The following OTC variants were observed in gnomAD, a reference collection of about 807,000 sequenced individuals.
The protein encoded by OTC is ornithine transcarbamylase.
Under a neutral mutation model 30.3 loss-of-function variants are expected in OTC, and 3 were observed. The ratio of observed to expected loss-of-function variants is 0.10; its 90% CI spans 0.05 to 0.26. The LOEUF (loss-of-function observed/expected upper bound fraction) is 0.26, where lower values mean the gene tolerates loss of function less well. OTC is among the 10% of genes least tolerant of loss of function. OTC has a pLI of 1.00. For synonymous variants in OTC, 111 were observed against 99.7 expected (o/e 1.11, Z -0.67); for missense variants, 194 against 260.3 (o/e 0.75, Z 1.75).
intron 6 of OTC, among the ~76,000 whole-genome samples, chrX:38,404,639 A>G: frequency 8.9e-6 from 1 of 111,839 alleles, no homozygotes; most frequent in Admixed American, 9.5e-5. Flanking sequence ...GGCCAGGCAC[A>G]CCACCACAGG....
At chrX:38,336,523 T>C in the OTC span, among the ~76,000 whole-genome samples, 9 of 106,009 alleles carry the variant, frequency 8.5e-5, no homozygotes, top group Admixed American at 2.1e-4. Context: ...AGCTCAAAAA[T>C]AAAAAAAATA....
intron 1 of OTC, among the ~76,000 whole-genome samples, chrX:38,364,019 G>A (rs908480864): frequency 3.6e-5 from 4 of 110,032 alleles, no homozygotes; most frequent in Non-Finnish European, 5.7e-5. Context: ...CCAGCTACTC[G>A]GGAGGCTGAG....
chrX:38,393,509 C>T (rs759911538), intron 4 of OTC, among the ~76,000 whole-genome samples: 1 of 111,903 alleles, frequency 8.9e-6, no homozygotes, highest in African/African-American at 3.2e-5. Flanking sequence ...TTTATACTTT[C>T]TCAGGGTTTA....
intron 3 of OTC, among the ~76,000 whole-genome samples, chrX:38,377,038 TC>T (rs773424390): frequency 8.9e-6 from 1 of 111,850 alleles, no homozygotes; most frequent in Non-Finnish European, 1.9e-5. Flanking sequence ...GAGTACACAT[TC>T]TTTTCCTTAG....
In OTC at chrX:38,395,546, C is replaced by T. The variant is rs181918705; in HGVS notation, c.387-5729C>T. 25 of 137,004 alleles carry T rather than the reference C, an allele frequency of 1.8e-4. 1 individual carries two copies. The South Asian group carries it at 3.9e-3, about 21-fold the overall frequency. 11.3% of individuals were successfully genotyped at this position (137,004 alleles called of 1,213,427 possible). A position where few individuals can be genotyped will look rare whatever the true frequency, so the allele number is the denominator to read the frequency against. On this transcript the variant is annotated intron_variant, in intron 4 of 9. Coordinates refer to ENST00000039007, the MANE Select transcript of OTC (RefSeq NM_000531.6). ...GCCATGCCAGCATTTACACATAAAA[C>T]GCTTCTTGGGCAGCCAGATGACATG...
chrX:38,411,824 A>G (rs753594259), intron 8 of OTC, 38 bp from the exon 9 acceptor site: 152 of 1,193,355 alleles, frequency 1.3e-4, no homozygotes, highest in Non-Finnish European at 1.7e-4. Context: ...ACTGCCACAT[A>G]TAATAGTCAA....
the OTC span, among the ~76,000 whole-genome samples, chrX:38,341,963 T>C: frequency 1.5e-4 from 16 of 108,755 alleles, no homozygotes; most frequent in Non-Finnish European, 3.8e-5. Context: ...TTGTCTTTTT[T>C]TATTCTTTAT....
intron 6 of OTC, among the ~76,000 whole-genome samples, chrX:38,405,510 C>T (rs2068511474): frequency 9.0e-6 from 1 of 110,535 alleles, no homozygotes; most frequent in African/African-American, 3.3e-5. Context: ...AATTTAGGCC[C>T]ACTCTAATCC....
intron 4 of OTC, 150 bp downstream of exon 4, chrX:38,381,579 T>G (rs1330293610): frequency 4.4e-6 from 2 of 451,207 alleles, no homozygotes; most frequent in Non-Finnish European, 7.8e-6. Context: ...TGAATACCTC[T>G]CCCTCATCCT....
At chrX:38,358,000 G>A (rs1007719504) in intron 1 of OTC, among the ~76,000 whole-genome samples, 16 of 111,261 alleles carry the variant, frequency 1.4e-4, no homozygotes, top group Admixed American at 3.8e-4. Flanking sequence ...TAATAATGTG[G>A]TTTGTGTCTG....
chrX:38,415,097 G>T (rs955335413), intron 9 of OTC, among the ~76,000 whole-genome samples: 8 of 109,393 alleles, frequency 7.3e-5, no homozygotes, highest in Non-Finnish European at 1.5e-4. Context: ...TTTATTTTTT[G>T]AGACAGAGTC....
At chrX:38,419,122 C>G (rs923061682) in intron 9 of OTC, among the ~76,000 whole-genome samples, 2 of 110,894 alleles carry the variant, frequency 1.8e-5, no homozygotes, top group African/African-American at 6.6e-5. Context: ...TTCTTGGCAC[C>G]TCTGTCAAAA....
chrX:38,334,713 T>C, the OTC span, among the ~76,000 whole-genome samples: 2 of 112,436 alleles, frequency 1.8e-5, no homozygotes, highest in South Asian at 3.7e-4. Flanking sequence ...TTAAAAGTTA[T>C]ATTATTTGTT....
upstream of OTC, among the ~76,000 whole-genome samples, chrX:38,348,774 A>C (rs1489501182): frequency 9.0e-6 from 1 of 110,809 alleles, no homozygotes; most frequent in African/African-American, 3.3e-5. Flanking sequence ...CCTAAGAACT[A>C]TTTTTATACC....
downstream of OTC, chrX:38,421,571 A>G (rs935985509): frequency 8.0e-6 from 1 of 124,748 alleles, no homozygotes; most frequent in African/African-American, 3.2e-5. Context: ...TTTCAGGCCA[A>G]TGAGGTAGAC....
upstream of OTC, among the ~76,000 whole-genome samples, chrX:38,348,537 T>TTTAC (rs1172786948): frequency 5.7e-5 from 3 of 52,279 alleles, no homozygotes; most frequent in African/African-American, 2.1e-4. Flanking sequence ...GGAACTTTTT[T>TTTAC]TTTCTTTTTT....
chrX:38,378,909 C>T (rs1016009089), intron 3 of OTC, among the ~76,000 whole-genome samples: 24 of 111,582 alleles, frequency 2.2e-4, no homozygotes, highest in African/African-American at 7.5e-4. Flanking sequence ...TGTGATTTGG[C>T]GATGGGGCTG....
At chrX:38,365,404 G>A (rs2068290677) in intron 1 of OTC, among the ~76,000 whole-genome samples, 1 of 112,187 alleles carries the variant, frequency 8.9e-6, no homozygotes. Context: ...TTTCGGTTTT[G>A]GTTTCTGTCC....
the OTC span, among the ~76,000 whole-genome samples, chrX:38,340,448 A>G: frequency 1.2e-3 from 84 of 67,389 alleles, no homozygotes; most frequent in Middle Eastern, 0.013. Context: ...TGCTCCCTTC[A>G]TTGTTTTTTT....
Sources: allele counts gnomAD v4.1 joint callset (sites outside exome capture counted in the v4.1 genomes callset), GRCh38; gene constraint gnomAD v4.1.1; transcripts MANE v1.5; gene names NCBI Gene and HGNC (gene_info 2026-07-23, HGNC 2026-07-21).